The following PASK variants were observed in gnomAD, a reference collection of about 807,000 sequenced individuals.
PASK encodes PAS domain containing serine/threonine kinase.
A neutral mutation model predicts 121.0 loss-of-function variants in PASK; 110 were observed. The observed-to-expected ratio is 0.91, with a 90% CI of 0.78 to 1.06. The LOEUF is 1.06. Among genes scored for constraint, PASK ranks in the 50% least tolerant of loss-of-function variants. The probability of loss-of-function intolerance (pLI) is 0.00; values close to 1 mark genes in which losing one functional copy is unlikely to be tolerated. For missense variants in PASK, 1,643 were observed against 1,702.3 expected (o/e 0.97, Z 0.61); for synonymous variants, 686 against 717.8 (o/e 0.96, Z 0.71).
Position 241,124,041 on chromosome 2 carries a change from C to T in PASK, c.2812G>A (p.Asp938Asn), listed in dbSNP as rs144073408. 8.8e-5 allele frequency: 142 copies of T among 1,613,512 alleles called. No homozygotes were observed. Among genetic ancestry groups the T allele is most frequent in the Non-Finnish European group, 1.1e-4 (135 of 1,179,922 alleles). ...LVKDLLHSQR[D>N]SAARTRLFLA... Reference sequence around the variant, plus strand: ...AACAGGCGGGTCCTGGCGGCTGAGTCGCGTTGGCTGTGGAGGAGGTCTTTC... The same window carrying T: ...AACAGGCGGGTCCTGGCGGCTGAGTTGCGTTGGCTGTGGAGGAGGTCTTTC... The change falls in exon 11 of 18, where the codon GAC becomes AAC. Residue 938 changes from aspartate to asparagine, a missense_variant. Transcript: ENST00000234040.
chr2:241,132,111 C>T (rs77526548), intron 9 of PASK, among the ~76,000 whole-genome samples: 18,624 of 150,516 alleles, frequency 0.12, 1,449 homozygotes, highest in East Asian at 0.44. Context: ...TACACACACA[C>T]GTGCTATGTA....
chr2:241,147,458 A>C (rs2067006185), intron 1 of PASK, among the ~76,000 whole-genome samples: 1 of 152,068 alleles, frequency 6.6e-6, no homozygotes, highest in Non-Finnish European at 1.5e-5. Context: ...TCTCTACAAA[A>C]AAAAAATTAA....
At chr2:241,149,946 C>A (rs565349622), upstream of PASK, 71 of 1,426,278 alleles carry the variant, frequency 5.0e-5, no homozygotes, top group South Asian at 8.1e-4. Context: ...CAAGAGAAGG[C>A]GGCATTTCGC....
Position 241,127,424 on chromosome 2 carries a change from C to T in PASK, c.1491G>A (p.Leu497=), listed in dbSNP as rs747226700. 4 of 1,614,012 alleles carry T rather than the reference C, an allele frequency of 2.5e-6. No individual in the cohort carries two copies. The Admixed American group carries it at 5.0e-5, about 20-fold the overall frequency. The change falls in exon 10 of 18, where the codon CTG becomes CTA. Residue 497 remains leucine, a synonymous_variant. Transcript: ENST00000234040. Reference sequence around the variant, plus strand: ...GCAGCGCCTGTTCACCGTGCACTGGCAGGCTTCCTTCTGGGACATTGTCCA... The same window carrying T: ...GCAGCGCCTGTTCACCGTGCACTGGTAGGCTTCCTTCTGGGACATTGTCCA... ...PGVDNVPEGS[L]PVHGEQALPK...
At chr2:241,124,193 T>C in intron 10 of PASK, 60 bp from the exon 11 acceptor site, 5 of 1,450,126 alleles carry the variant, frequency 3.4e-6, no homozygotes, top group Non-Finnish European at 4.8e-6. Context: ...ACAGCAGCTT[T>C]AGGTTAGAAA....
At position 241,108,430 on chromosome 2, in the gene PASK, A is replaced by G; in HGVS notation, c.3534-130T>C. On this transcript the variant is annotated intron_variant, in intron 15 of 17. Transcript: ENST00000234040. This position sits in a 1 kb window ranked among gnomAD's most constrained non-coding sequence, Gnocchi z 5.2. Reference sequence around the variant, plus strand: ...GCAGTGGTTTCCCAAGAGGAGGGTCACTCCACCCCTCAAACACGCCCTCCA... The same window carrying G: ...GCAGTGGTTTCCCAAGAGGAGGGTCGCTCCACCCCTCAAACACGCCCTCCA... 1.1e-6 allele frequency: 1 copy of G among 889,240 alleles called. No individual in the cohort carries two copies. The highest frequency in any genetic ancestry group is 1.8e-6 in the Non-Finnish European group (1 of 552,284). 55.1% of individuals were successfully genotyped at this position (889,240 alleles called of 1,614,324 possible).
rs773924956 is a variant in PASK, at chr2:241,127,110, G to T, written c.1805C>A (p.Ala602Glu). 3 of 1,614,008 alleles carry T rather than the reference G, an allele frequency of 1.9e-6. No homozygotes were observed. The East Asian group carries it at 6.7e-5, about 36-fold the overall frequency. ...GCAGTGCATCAGGAGGCTGCCCCCC[G>T]CCAGCTGACCCTTGGCCTGGGGCTT... is the stretch of plus-strand genomic sequence containing the variant. Reference protein sequence around the residue: ...VAKPQAKGQLAGGSLLMHCPC... With the variant: ...VAKPQAKGQLEGGSLLMHCPC... Residue 602 changes from alanine to glutamate, a missense_variant, in exon 10 of 18, where the codon GCG (alanine) becomes GAG (glutamate). Physicochemically the swap from Ala to Glu is moderately radical, Grantham distance 107. Transcript: ENST00000234040.
chr2:241,118,784 C>G (rs1174438516), intron 12 of PASK: 1 of 378,438 alleles, frequency 2.6e-6, no homozygotes, highest in Non-Finnish European at 4.2e-6. Flanking sequence ...GCAGGGCAGA[C>G]AGCCTGGCCA....
chr2:241,132,052 CAAA>C (rs36063946), intron 9 of PASK, among the ~76,000 whole-genome samples: 848 of 83,672 alleles, frequency 0.01, 3 homozygotes, highest in South Asian at 0.015. Flanking sequence ...GACTCCATCT[CAAA>C]AAAAAAAAAA....
chr2:241,118,909 T>G (rs533024497), intron 12 of PASK: 4 of 1,034,126 alleles, frequency 3.9e-6, no homozygotes, highest in Non-Finnish European at 4.7e-6. Flanking sequence ...GCTGCCGAGA[T>G]CTTCTCATAC....
chr2:241,121,976 CA>C (rs1438921520), intron 12 of PASK, among the ~76,000 whole-genome samples: 1 of 152,106 alleles, frequency 6.6e-6, no homozygotes, highest in Non-Finnish European at 1.5e-5. Flanking sequence ...AAATTAAAAA[CA>C]AAAAGATATC....
At position 241,108,324 on chromosome 2, in the gene PASK, G is replaced by A. The variant is rs1321698453; in HGVS notation, c.3534-24C>T. On this transcript the variant is annotated intron_variant, in intron 15 of 17. Transcript: ENST00000234040. This position sits in a 1 kb window ranked among gnomAD's most constrained non-coding sequence, Gnocchi z 5.2. ...AGCTGTGAGGAGGAGGAGGCATCAG[G>A]ACGCCACGGCACTCAGCGCAGGCTT... 1.9e-6 allele frequency: 3 copies of A among 1,613,448 alleles called. No homozygotes were observed. Among genetic ancestry groups the A allele is most frequent in the Admixed American group, 3.3e-5 (2 of 60,002 alleles).
intron 14 of PASK, among the ~76,000 whole-genome samples, chr2:241,113,064 C>T (rs755867702): frequency 1.3e-5 from 2 of 152,226 alleles, no homozygotes; most frequent in Non-Finnish European, 1.5e-5. Flanking sequence ...TTCGTTCCCA[C>T]GGAGGTGCAG....
intron 14 of PASK, chr2:241,114,565 T>C: frequency 2.0e-6 from 2 of 1,016,796 alleles, no homozygotes; most frequent in Non-Finnish European, 2.4e-6. Flanking sequence ...GTTCAATATG[T>C]AATTAGACAC....
Position 241,126,386 on chromosome 2 carries a change from G to A in PASK, c.2529C>T (p.Ser843=). ...SEHYAASDRE[S]PGHVPSTLDA... The stretch of plus-strand genomic sequence containing the variant: ...CCAACGTGGAAGGAACGTGTCCTGG[G>A]CTTTCTCTGTCGCTTGCTGCATAAT... Residue 843 remains serine, a synonymous_variant, in exon 10 of 18, where the codon AGC becomes AGT. Transcript: ENST00000234040. 6.2e-7 allele frequency: 1 copy of A among 1,614,260 alleles called. No individual in the cohort carries two copies. The highest frequency in any genetic ancestry group is 8.5e-7 in the Non-Finnish European group (1 of 1,180,052).
chr2:241,138,071 C>T lies in PASK; in HGVS notation c.758G>A (p.Cys253Tyr), dbSNP rs763527303. ...AFQSDGTVTSCDSLFAHLHGY... is the reference protein window; with the variant it reads ...AFQSDGTVTSYDSLFAHLHGY... ...GTGAAGATGAGCAAAGAGACTGTCA[C>T]ATGACGTGACGGTGCCCTGGAGGAA... is the stretch of plus-strand genomic sequence containing the variant. The change falls in exon 6 of 18, where the codon TGT becomes TAT. Residue 253 changes from cysteine (C) to tyrosine (Y), a missense_variant. Coordinates refer to ENST00000234040, the MANE Select transcript of PASK (RefSeq NM_015148.4). 1 of 1,614,224 alleles carries T rather than the reference C, an allele frequency of 6.2e-7. No homozygotes were observed. The highest frequency in any genetic ancestry group is 8.5e-7 in the Non-Finnish European group (1 of 1,180,022).
At chr2:241,136,253 A>G (rs561334903) in intron 7 of PASK, among the ~76,000 whole-genome samples, 1 of 152,266 alleles carries the variant, frequency 6.6e-6, no homozygotes, top group Admixed American at 6.5e-5. Flanking sequence ...AGAAAAAGGT[A>G]AAAACATACT....
At position 241,149,008 on chromosome 2, in the gene PASK, AC is replaced by A. The variant is rs536355804; in HGVS notation, c.-43+405del. 2.3e-3 allele frequency among the ~76,000 whole-genome samples: 356 copies of A among 152,050 alleles called. 1 individual carries two copies. Among genetic ancestry groups the A allele is most frequent in the African/African-American group, 8.1e-3 (335 of 41,500 alleles). On this transcript the variant is annotated intron_variant, in intron 1 of 17. Coordinates refer to ENST00000234040, the MANE Select transcript of PASK (RefSeq NM_015148.4). ...CGCGGCGCCGGCTGAGCCCGCAGGG[AC>A]CCACACGCCCAGTGCAGGAGGCTGG...
At chr2:241,119,225 C>G (rs3771353) in intron 12 of PASK, among the ~76,000 whole-genome samples, 49,935 of 152,176 alleles carry the variant, frequency 0.33, 12,281 homozygotes, top group African/African-American at 0.68. Context: ...TAACGGCGTC[C>G]GTCCATGGCT....
Sources: gnomAD v4.1 joint callset for allele counts (sites outside exome capture counted in the v4.1 genomes callset) on GRCh38, gnomAD v4.1.1 for gene constraint, Gnocchi (gnomAD v3.1) non-coding constraint, MANE v1.5 for transcripts, NCBI Gene and HGNC (gene_info 2026-07-23, HGNC 2026-07-21) for gene names.